Variants in ENTPD5 observed in about 807,000 individuals in gnomAD.
The protein encoded by ENTPD5 is ectonucleoside triphosphate diphosphohydrolase 5 (inactive).
A neutral mutation model predicts 60.2 loss-of-function variants in ENTPD5; 49 were observed. That is an observed-to-expected ratio of 0.81 (90% CI 0.65 to 1.03). The LOEUF (loss-of-function observed/expected upper bound fraction) is 1.03, where lower values mean the gene tolerates loss of function less well. Ranked by LOEUF, ENTPD5 falls within the 50% of genes least tolerant of loss-of-function variation. The pLI, the probability that ENTPD5 is intolerant of heterozygous loss-of-function variation, is 0.00. For synonymous variants in ENTPD5, 187 were observed against 185.4 expected (o/e 1.01, Z -0.07); for missense variants, 480 against 507.6 (o/e 0.95, Z 0.52).
intron 15 of ENTPD5, among the ~76,000 whole-genome samples, chr14:73,968,447 G>A (rs1448973447): frequency 3.4e-5 from 5 of 146,782 alleles, no homozygotes; most frequent in South Asian, 2.2e-4. Flanking sequence ...TTTTTGAGAC[G>A]GAGTTTCGCT....
chr14:73,956,866 A>G (rs1391505767), downstream of ENTPD5: 1 of 152,168 alleles, frequency 6.6e-6, no homozygotes, highest in Admixed American at 6.5e-5. Flanking sequence ...ACCATGATGT[A>G]GCTTTTAAAG....
chr14:73,982,897 C>A (rs2057750021), intron 6 of ENTPD5, 121 bp downstream of exon 6: 2 of 986,974 alleles, frequency 2.0e-6, no homozygotes, highest in Non-Finnish European at 3.0e-6. Flanking sequence ...AGAGTCATCA[C>A]AATGCTTTGG....
Position 73,972,961 on chromosome 14 carries a change from T to C in ENTPD5, c.950A>G (p.Gln317Arg), listed in dbSNP as rs2057290200. 6.2e-7 allele frequency: 1 copy of C among 1,614,236 alleles called. No homozygotes were observed. Among genetic ancestry groups the C allele is most frequent in the Non-Finnish European group, 8.5e-7 (1 of 1,180,042 alleles). Reference protein sequence around the residue: ...VLRVVRGKLHQPEEVQRGSFY... With the variant: ...VLRVVRGKLHRPEEVQRGSFY... ...GGAACCTCTCTGGACCTCCTCTGGC[T>C]GGTGAAGTTTTCCTCGTACCACCCT... The change falls in exon 13 of 16, where the codon CAG becomes CGG. Residue 317 changes from glutamine to arginine, a missense_variant. Gln to Arg is a conservative substitution (Grantham distance 43). Transcript: ENST00000334696.
chr14:74,005,537 G>A (rs1486787045), intron 3 of ENTPD5, among the ~76,000 whole-genome samples: 1 of 151,644 alleles, frequency 6.6e-6, no homozygotes, highest in African/African-American at 2.4e-5. Flanking sequence ...GCCAGGTGCG[G>A]TGGCTCACGC....
chr14:73,961,056 A>T, downstream of ENTPD5: 1 of 1,156,634 alleles, frequency 8.6e-7, no homozygotes, highest in Non-Finnish European at 1.2e-6. Context: ...AGATCAGTGT[A>T]GGCAAGTTGG....
At chr14:73,979,422 C>T (rs1245750902) in intron 6 of ENTPD5, among the ~76,000 whole-genome samples, 2 of 151,528 alleles carry the variant, frequency 1.3e-5, no homozygotes, top group East Asian at 1.9e-4. Context: ...TTTTGGTTCC[C>T]TGCTGAATGT....
At chr14:73,962,580 G>T, downstream of ENTPD5, 1 of 188,856 alleles carries the variant, frequency 5.3e-6, no homozygotes, top group Non-Finnish European at 1.1e-5. Context: ...AAATGAATAG[G>T]GATTTCTAAT....
intron 12 of ENTPD5, 71 bp from the exon 13 acceptor site, chr14:73,973,095 C>T (rs2057298860): frequency 1.3e-6 from 2 of 1,560,186 alleles, no homozygotes; most frequent in Admixed American, 3.6e-5. Flanking sequence ...CTGAGGCAGG[C>T]TGCTGGAGAC....
At chr14:73,962,927 C>T, downstream of ENTPD5, 1 of 1,491,790 alleles carries the variant, frequency 6.7e-7, no homozygotes, top group Admixed American at 1.7e-5. Context: ...TTTTCTTCAC[C>T]TTACTGTGTT....
chr14:74,015,360 C>G (rs1159448623), intron 2 of ENTPD5, among the ~76,000 whole-genome samples: 4 of 87,684 alleles, frequency 4.6e-5, no homozygotes, highest in African/African-American at 1.8e-4. Context: ...CCACCCCCCG[C>G]CCCCCCTTTT....
chr14:73,962,631 C>A (rs148091787), downstream of ENTPD5: 1,236 of 232,106 alleles, frequency 5.3e-3, 8 homozygotes, highest in Non-Finnish European at 5.4e-3. Context: ...TGACTAGTTT[C>A]ATCCCTGAGA....
chr14:73,998,561 C>G (rs1363186435), intron 3 of ENTPD5, among the ~76,000 whole-genome samples: 2 of 150,948 alleles, frequency 1.3e-5, no homozygotes, highest in Non-Finnish European at 2.9e-5. Context: ...TTAAGAAACC[C>G]TAAGAAACTA....
downstream of ENTPD5, chr14:73,958,043 G>A (rs2056525469): frequency 1.1e-6 from 1 of 886,520 alleles, no homozygotes; most frequent in Non-Finnish European, 1.9e-6. Context: ...TAAATGACAA[G>A]ACACTGCTGT....
intron 15 of ENTPD5, 57 bp from the exon 16 acceptor site, chr14:73,967,071 AC>A: frequency 6.8e-7 from 1 of 1,464,120 alleles, no homozygotes; most frequent in Middle Eastern, 1.7e-4. Flanking sequence ...TCTAGCAAGC[AC>A]AGCTCTTGGG....
chr14:73,974,937 G>A lies in ENTPD5; in HGVS notation c.771C>T (p.Ala257=), dbSNP rs777909104. ...ACCCAGACAAACCTTCTGTCTCCAGGGCTCCCAGGGTTGCTAGTCTTGCAG... is the reference window on the plus strand; with the variant it reads ...ACCCAGACAAACCTTCTGTCTCCAGAGCTCCCAGGGTTGCTAGTCTTGCAG... The part of the protein sequence containing the change: ...LKAARLATLG[A]LETEGTDGHT... The change falls in exon 11 of 16, where the codon GCC becomes GCT. Residue 257 remains alanine (A), a synonymous_variant. Transcript: ENST00000334696. 8.7e-6 allele frequency: 14 copies of A among 1,613,374 alleles called. No homozygotes were observed. In the Admixed American group the frequency reaches 2.3e-4, roughly 27 times the overall value.
In ENTPD5 at chr14:73,970,065, T is replaced by G. The variant is rs1375916365; in HGVS notation, c.1145A>C (p.Tyr382Ser). 3.7e-6 allele frequency: 6 copies of G among 1,614,026 alleles called. No homozygotes were observed. In the Admixed American group the frequency reaches 8.3e-5, roughly 22 times the overall value. The change falls in exon 15 of 16, where the codon TAC becomes TCC. Residue 382 changes from tyrosine to serine, a missense_variant. Physicochemically the swap from Tyr to Ser is moderately radical, Grantham distance 144. Coordinates refer to ENST00000334696, the MANE Select transcript of ENTPD5 (RefSeq NM_001249.5). ...GCCATCCTTTAACAGGGCTGTGATG[T>G]AGCTGAGATCCATGCACAGGAAAGG... Reference protein sequence around the residue: ...GSPFLCMDLSYITALLKDGFG... With the variant: ...GSPFLCMDLSSITALLKDGFG...
Position 73,963,950 on chromosome 14 carries a change from T to C in ENTPD5, c.*2978A>G, listed in dbSNP as rs1459508941. 3.9e-5 allele frequency: 6 copies of C among 152,064 alleles called. No homozygotes were observed. The highest frequency in any genetic ancestry group is 3.3e-4 in the Admixed American group (5 of 15,258). The allele number at this position is 152,064 out of a possible 1,614,324, so 9.4% of individuals were successfully genotyped here. On this transcript the variant is annotated 3_prime_UTR_variant, in exon 16 of 16. Coordinates refer to ENST00000334696, the MANE Select transcript of ENTPD5 (RefSeq NM_001249.5). Reference sequence around the variant, plus strand: ...GTGCTTTTCAGGCAAATGCAGAAAATTTAAAAGAGTCTAGAACAAAAAAGT... The same window carrying C: ...GTGCTTTTCAGGCAAATGCAGAAAACTTAAAAGAGTCTAGAACAAAAAAGT...
chr14:73,958,760 G>T, downstream of ENTPD5: 1 of 1,468,612 alleles, frequency 6.8e-7, no homozygotes, highest in Non-Finnish European at 9.0e-7. Context: ...GCTGGCACCT[G>T]TTCAGTCATG....
At chr14:73,960,922 G>A (rs75088275), downstream of ENTPD5, 31 of 585,604 alleles carry the variant, frequency 5.3e-5, no homozygotes, top group South Asian at 5.6e-4. Context: ...TTGAGGGTGG[G>A]GACTAGTGAA....
Sources: gnomAD v4.1 joint callset for allele counts (sites outside exome capture counted in the v4.1 genomes callset) on GRCh38, gnomAD v4.1.1 for gene constraint, MANE v1.5 for transcripts, NCBI Gene and HGNC (gene_info 2026-07-23, HGNC 2026-07-21) for gene names.